Variants in CEP350 observed in about 807,000 individuals in gnomAD.
CEP350 encodes centrosomal protein 350.
Under a neutral mutation model 331.8 loss-of-function variants are expected in CEP350, and 126 were observed. The observed-to-expected ratio is 0.38, with a 90% CI of 0.33 to 0.44. The LOEUF (loss-of-function observed/expected upper bound fraction) is 0.44, where lower values mean the gene tolerates loss of function less well. Among genes scored for constraint, CEP350 ranks in the 20% least tolerant of loss-of-function variants. CEP350 has a pLI of 1.00. For missense variants in CEP350, 3,406 were observed against 3,634.6 expected, an observed-to-expected ratio of 0.94 and a Z score of 1.62; for synonymous variants, 1,200 against 1,259.5, an observed-to-expected ratio of 0.95 and a Z score of 1.00.
rs992275024 is a variant in CEP350, at chr1:179,986,167, A to G, written c.-13-2A>G. 3 of 1,548,996 alleles carry G rather than the reference A, an allele frequency of 1.9e-6. No individual in the cohort carries two copies. Among genetic ancestry groups the G allele is most frequent in the East Asian group, 2.4e-5 (1 of 40,876 alleles). On this transcript the variant is annotated splice_acceptor_variant, in intron 1 of 37. Coordinates refer to ENST00000367607, the MANE Select transcript of CEP350 (RefSeq NM_014810.5). LOFTEE classifies it low-confidence loss of function (5UTR_SPLICE). ...GTTCGGTGAATACTGATGTGATTGC[A>G]GGTAAATTGGCAGGATGAGGAGCAG...
At chr1:180,005,479 A>AAAT (rs1055799671) in intron 7 of CEP350, among the ~76,000 whole-genome samples, 2 of 152,002 alleles carry the variant, frequency 1.3e-5, no homozygotes, top group Admixed American at 6.6e-5. Flanking sequence ...CACTTCCATT[A>AAAT]CCACCACCTA....
chr1:179,984,628 A>C (rs1187484920), intron 1 of CEP350, among the ~76,000 whole-genome samples: 1 of 152,218 alleles, frequency 6.6e-6, no homozygotes, highest in Admixed American at 6.5e-5. Context: ...TCTAAGTCCC[A>C]CCATACTCAA....
intron 16 of CEP350, among the ~76,000 whole-genome samples, chr1:180,036,389 C>T (rs541172877): frequency 6.6e-6 from 1 of 152,188 alleles, no homozygotes; most frequent in African/African-American, 2.4e-5. Context: ...TACCAAACAG[C>T]ATTACATGCT....
chr1:180,002,931 G>C (rs1280112771), intron 6 of CEP350, among the ~76,000 whole-genome samples: 1 of 152,176 alleles, frequency 6.6e-6, no homozygotes, highest in Admixed American at 6.5e-5. Context: ...CCAGGGGATG[G>C]AGGGGGTCAT....
At chr1:179,991,213 A>G (rs1001293917) in intron 4 of CEP350, among the ~76,000 whole-genome samples, 13 of 151,882 alleles carry the variant, frequency 8.6e-5, no homozygotes, top group African/African-American at 2.9e-4. Flanking sequence ...ATTTAAAATC[A>G]TAAATGGAAT....
chr1:180,081,254 T>C (rs1483228679), intron 30 of CEP350, among the ~76,000 whole-genome samples: 1 of 152,200 alleles, frequency 6.6e-6, no homozygotes, highest in Non-Finnish European at 1.5e-5. Flanking sequence ...TTTGGGTTTT[T>C]TTTGGTAATT....
Position 179,985,012 on chromosome 1 carries a change from A to C in CEP350, c.-13-1157A>C, listed in dbSNP as rs77561757. Among the ~76,000 whole-genome samples the C allele has an allele frequency of 6.3e-3, 952 of 152,246 alleles. 9 individuals are homozygous for C. Among genetic ancestry groups the C allele is most frequent in the South Asian group, 0.011 (55 of 4,812 alleles). On this transcript the variant is annotated intron_variant, in intron 1 of 37. Coordinates refer to ENST00000367607, the MANE Select transcript of CEP350 (RefSeq NM_014810.5). ...TTATTGTGGTAACATATACATAACA[A>C]AATTTACCATTACAACCATTTCTTA...
At chr1:179,997,522 C>T (rs111374096) in intron 6 of CEP350, among the ~76,000 whole-genome samples, 2,101 of 144,190 alleles carry the variant, frequency 0.015, 36 homozygotes, top group African/African-American at 0.036. Context: ...CAGCATGGGG[C>T]GACAGAGTGA....
intron 31 of CEP350, among the ~76,000 whole-genome samples, chr1:180,086,753 A>G (rs373917060): frequency 6.6e-6 from 1 of 152,286 alleles, no homozygotes; most frequent in Non-Finnish European, 1.5e-5. Context: ...AATGTTGACA[A>G]TTCAGACGAA....
chr1:179,954,980 C>A lies in CEP350; in HGVS notation c.-176C>A, dbSNP rs569737699. 1.6e-6 allele frequency: 2 copies of A among 1,223,980 alleles called. No individual in the cohort carries two copies. Among genetic ancestry groups the A allele is most frequent in the Non-Finnish European group, 2.1e-6 (2 of 954,114 alleles). The allele number at this position is 1,223,980 out of a possible 1,614,324, so 75.8% of individuals were successfully genotyped here. A position where few individuals can be genotyped will look rare whatever the true frequency, so the allele number is the denominator to read the frequency against. On this transcript the variant is annotated 5_prime_UTR_variant, in exon 1 of 38. Transcript: ENST00000367607. The stretch of plus-strand genomic sequence containing the variant: ...CGCCTTGTCTTCCTTCCCAGCGGAC[C>A]GGCGGATCCCCGGAGCCGGTGCGAG...
chr1:180,048,201 T>C (rs1452163946), intron 21 of CEP350, among the ~76,000 whole-genome samples: 2 of 152,162 alleles, frequency 1.3e-5, no homozygotes, highest in Non-Finnish European at 1.5e-5. Flanking sequence ...AATCGTGATG[T>C]TAATGAAAAG....
intron 8 of CEP350, among the ~76,000 whole-genome samples, chr1:180,010,987 CT>C (rs144305777): frequency 9.3e-5 from 14 of 150,932 alleles, no homozygotes; most frequent in Non-Finnish European, 1.8e-4. Context: ...TGTAAACAGT[CT>C]TTTTTTTTCA....
chr1:180,005,168 T>G (rs1654174455), intron 7 of CEP350, among the ~76,000 whole-genome samples: 1 of 151,866 alleles, frequency 6.6e-6, no homozygotes, highest in Non-Finnish European at 1.5e-5. Context: ...ATTCCCAAAG[T>G]AATGTCTTTA....
intron 14 of CEP350, 33 bp downstream of exon 14, chr1:180,024,615 T>G (rs1312359498): frequency 6.4e-7 from 1 of 1,566,736 alleles, no homozygotes; most frequent in Non-Finnish European, 8.6e-7. Flanking sequence ...ACTTTTTCTC[T>G]TACCAATGAT....
At chr1:180,010,130 A>T (rs1280606980) in intron 8 of CEP350, among the ~76,000 whole-genome samples, 1 of 152,066 alleles carries the variant, frequency 6.6e-6, no homozygotes, top group Non-Finnish European at 1.5e-5. Flanking sequence ...GTAAAATTTC[A>T]TTGGTTTTTG....
Position 180,041,124 on chromosome 1 carries a change from C to T in CEP350, c.4111-14C>T. On this transcript the variant is annotated splice_polypyrimidine_tract_variant and intron_variant, in intron 17 of 37. Transcript: ENST00000367607. Reference sequence around the variant, plus strand: ...TTCGTATCTGAGAATTAACATTTGACCATTATTTTGAAGGCACAACAGCAA... The same window carrying T: ...TTCGTATCTGAGAATTAACATTTGATCATTATTTTGAAGGCACAACAGCAA... The T allele has an allele frequency of 9.6e-6, 15 of 1,561,720 alleles. No homozygotes were observed. The highest frequency in any genetic ancestry group is 1.3e-5 in the Non-Finnish European group (15 of 1,148,710).
chr1:180,015,326 C>CG (rs1434979524), intron 10 of CEP350, among the ~76,000 whole-genome samples: 2 of 152,042 alleles, frequency 1.3e-5, no homozygotes, highest in East Asian at 1.9e-4. Context: ...CTCCGCCCCC[C>CG]GGGGTTCATG....
intron 11 of CEP350, 105 bp from the exon 12 acceptor site, chr1:180,019,843 CT>C: frequency 1.1e-5 from 10 of 890,144 alleles, no homozygotes; most frequent in South Asian, 6.2e-5. Context: ...TTTATCTGTC[CT>C]TTTTTTGTTG....
At chr1:180,007,798 CATT>C (rs139227836) in intron 8 of CEP350, among the ~76,000 whole-genome samples, 1,506 of 150,480 alleles carry the variant, frequency 0.01, 28 homozygotes, top group African/African-American at 0.033. Flanking sequence ...CAAAAGTTCT[CATT>C]GTTTGGCACA....
Sources: gnomAD v4.1 joint callset for allele counts (sites outside exome capture counted in the v4.1 genomes callset) on GRCh38, gnomAD v4.1.1 for gene constraint, MANE v1.5 for transcripts, NCBI Gene and HGNC (gene_info 2026-07-23, HGNC 2026-07-21) for gene names.